Variants in PCDHA6 observed in about 807,000 individuals in gnomAD.
The protein encoded by PCDHA6 is protocadherin alpha-6.
Under a neutral mutation model 60.3 loss-of-function variants are expected in PCDHA6, and 55 were observed. The ratio of observed to expected loss-of-function variants is 0.91; its 90% CI spans 0.73 to 1.14. PCDHA6 has a LOEUF of 1.14. PCDHA6 is among the 50% of genes most tolerant of loss of function. PCDHA6 has a pLI of 0.00. For synonymous variants in PCDHA6, 652 were observed against 557.9 expected, an observed-to-expected ratio of 1.17 and a Z score of -2.38; for missense variants, 1,327 against 1,256.5, an observed-to-expected ratio of 1.06 and a Z score of -0.85.
chr5:140,977,324 C>T (rs1035502087), intron 1 of PCDHA6, among the ~76,000 whole-genome samples: 5 of 152,102 alleles, frequency 3.3e-5, no homozygotes, highest in Non-Finnish European at 4.4e-5. Context: ...CTCCTGATGG[C>T]GAGGGGAGAG....
chr5:140,888,764 T>A (rs74654123), intron 1 of PCDHA6, among the ~76,000 whole-genome samples: 4 of 152,186 alleles, frequency 2.6e-5, no homozygotes, highest in East Asian at 3.9e-4. Context: ...CTTTTTTTTT[T>A]AATTTTGAAG....
intron 3 of PCDHA6, among the ~76,000 whole-genome samples, chr5:141,002,660 T>C (rs1366913026): frequency 1.3e-5 from 2 of 152,170 alleles, no homozygotes; most frequent in Admixed American, 1.3e-4. Context: ...AGGGCTCTTG[T>C]CAGGACCAAA....
intron 1 of PCDHA6, among the ~76,000 whole-genome samples, chr5:140,917,700 T>C (rs879971168): frequency 2.0e-5 from 3 of 152,166 alleles, no homozygotes; most frequent in Non-Finnish European, 4.4e-5. Flanking sequence ...GATCAGATAA[T>C]TGTAGGTGTG....
intron 1 of PCDHA6, among the ~76,000 whole-genome samples, chr5:140,910,613 C>T (rs1470911168): frequency 1.3e-5 from 2 of 152,192 alleles, no homozygotes; most frequent in Admixed American, 1.3e-4. Context: ...ACTGACTAAT[C>T]CACTCCACCA....
intron 1 of PCDHA6, among the ~76,000 whole-genome samples, chr5:140,874,611 C>T (rs1274309771): frequency 6.6e-6 from 1 of 152,220 alleles, no homozygotes; most frequent in African/African-American, 2.4e-5. Flanking sequence ...GAGGCTTCAA[C>T]TAAACATTTT....
chr5:140,912,393 G>T (rs1312827248), intron 1 of PCDHA6, among the ~76,000 whole-genome samples: 1 of 147,816 alleles, frequency 6.8e-6, no homozygotes, highest in Admixed American at 6.7e-5. Context: ...TTCTTAATTT[G>T]ATTCTCAGCT....
intron 1 of PCDHA6, among the ~76,000 whole-genome samples, chr5:140,872,315 AAAT>A (rs1554166135): frequency 1.3e-5 from 2 of 152,130 alleles, no homozygotes. Context: ...TGCTTTATGG[AAAT>A]AATATGACTA....
intron 1 of PCDHA6, among the ~76,000 whole-genome samples, chr5:140,959,348 G>A (rs991931151): frequency 7.2e-5 from 11 of 151,992 alleles, no homozygotes; most frequent in Middle Eastern, 6.3e-3. Flanking sequence ...GCACTCCAGC[G>A]GGACAACTGA....
intron 1 of PCDHA6, among the ~76,000 whole-genome samples, chr5:140,908,289 G>A (rs1031565997): frequency 2.6e-5 from 4 of 152,184 alleles, no homozygotes; most frequent in Non-Finnish European, 4.4e-5. Flanking sequence ...GTTGCAAGCT[G>A]GGGAAGAGAA....
At chr5:140,945,762 G>A (rs570176768) in intron 1 of PCDHA6, among the ~76,000 whole-genome samples, 122 of 152,196 alleles carry the variant, frequency 8.0e-4, no homozygotes, top group South Asian at 2.3e-3. Context: ...ATGGTGGTGG[G>A]ACAATTTGAT....
intron 3 of PCDHA6, among the ~76,000 whole-genome samples, chr5:140,983,433 G>A (rs1306046524): frequency 1.3e-5 from 2 of 152,208 alleles, no homozygotes; most frequent in African/African-American, 4.8e-5. Context: ...CACAAATTGT[G>A]TCTACTCTAA....
In PCDHA6 at chr5:140,857,009, G is replaced by T; in HGVS notation, c.2394+26524G>T. 2 of 1,596,020 alleles carry T rather than the reference G, an allele frequency of 1.3e-6. 1 individual carries two copies. The highest frequency in any genetic ancestry group is 1.7e-6 in the Non-Finnish European group (2 of 1,165,702). On this transcript the variant is annotated intron_variant, in intron 1 of 3. Transcript: ENST00000529310. ...TAACACTTATGAAATTCATGTAGAT[G>T]TTACAGATAAGGGAAACCCACCTAT...
intron 1 of PCDHA6, among the ~76,000 whole-genome samples, chr5:140,898,910 C>G (rs1313149642): frequency 6.6e-6 from 1 of 152,040 alleles, no homozygotes; most frequent in African/African-American, 2.4e-5. Context: ...CTTCACGTCC[C>G]TTGTAAGTTG....
intron 1 of PCDHA6, among the ~76,000 whole-genome samples, chr5:140,885,554 A>G (rs1025656025): frequency 5.3e-5 from 8 of 152,140 alleles, no homozygotes; most frequent in African/African-American, 1.9e-4. Context: ...TGTTATTTCT[A>G]CGAAATTGAT....
intron 1 of PCDHA6, among the ~76,000 whole-genome samples, chr5:140,975,280 T>G (rs914764307): frequency 5.3e-5 from 8 of 152,252 alleles, no homozygotes; most frequent in Admixed American, 3.9e-4. Context: ...CTCTGACCTC[T>G]AGACCCAGAT....
At chr5:140,890,066 C>G (rs1217511895) in intron 1 of PCDHA6, among the ~76,000 whole-genome samples, 1 of 152,148 alleles carries the variant, frequency 6.6e-6, no homozygotes, top group Non-Finnish European at 1.5e-5. Context: ...CTTTTACTGG[C>G]TTATGAGAAC....
chr5:140,830,021 C>T lies in PCDHA6; in HGVS notation c.1930C>T (p.Arg644Cys), dbSNP rs782587732. ...TRVLDEADSPRHRLLVLVKDH... is the reference protein window; with the variant it reads ...TRVLDEADSPCHRLLVLVKDH... ...TGTCCTGGACGAAGCGGACTCTCCGCGCCACCGGCTGCTGGTGCTGGTGAA... is the reference window on the plus strand; with the variant it reads ...TGTCCTGGACGAAGCGGACTCTCCGTGCCACCGGCTGCTGGTGCTGGTGAA... The change falls in exon 1 of 4, where the codon CGC becomes TGC. Residue 644 changes from arginine to cysteine, a missense_variant. Arg to Cys is a radical substitution (Grantham distance 180, BLOSUM62 -3). Coordinates refer to ENST00000529310, the MANE Select transcript of PCDHA6 (RefSeq NM_018909.4). 1.9e-6 allele frequency: 3 copies of T among 1,613,800 alleles called. No individual in the cohort carries two copies. Among genetic ancestry groups the T allele is most frequent in the African/African-American group, 2.7e-5 (2 of 74,930 alleles).
chr5:140,875,411 T>C, intron 1 of PCDHA6: 1 of 1,503,674 alleles, frequency 6.7e-7, no homozygotes, highest in Non-Finnish European at 8.9e-7. Context: ...GCTCATAAAA[T>C]ACCTCAGGCA....
chr5:140,917,837 T>G (rs2078388052), intron 1 of PCDHA6, among the ~76,000 whole-genome samples: 1 of 152,174 alleles, frequency 6.6e-6, no homozygotes, highest in Non-Finnish European at 1.5e-5. Context: ...GATGTCCTTC[T>G]TGTTCTTTTT....
Sources: gnomAD v4.1 joint callset for allele counts (sites outside exome capture counted in the v4.1 genomes callset) on GRCh38, gnomAD v4.1.1 for gene constraint, MANE v1.5 for transcripts, NCBI Gene and HGNC (gene_info 2026-07-23, HGNC 2026-07-21) for gene names.